Variants in ARHGEF16 observed in about 807,000 individuals in gnomAD.
ARHGEF16 encodes Rho guanine nucleotide exchange factor 16.
In ARHGEF16, 59 loss-of-function variants were observed where a neutral mutation model predicts 74.1. That is an observed-to-expected ratio of 0.80 (90% CI 0.65 to 0.99). The LOEUF (loss-of-function observed/expected upper bound fraction) is 0.99, where lower values mean the gene tolerates loss of function less well. Ranked by LOEUF, ARHGEF16 falls within the 50% of genes least tolerant of loss-of-function variation. The pLI is 0.00. For missense variants in ARHGEF16, 948 were observed against 986.6 expected (o/e 0.96, Z 0.52); for synonymous variants, 415 against 412.6 (o/e 1.01, Z -0.07).
intron 4 of ARHGEF16, 98 bp from the exon 5 acceptor site, chr1:3,468,782 A>C (rs567458301): frequency 7.1e-7 from 1 of 1,405,942 alleles, no homozygotes; most frequent in Non-Finnish European, 9.8e-7. Flanking sequence ...GTGGCTGTCC[A>C]TGTTGGCCCT....
At chr1:3,458,312 T>C (rs1639311227) in intron 1 of ARHGEF16, among the ~76,000 whole-genome samples, 1 of 152,214 alleles carries the variant, frequency 6.6e-6, no homozygotes, top group South Asian at 2.1e-4. Flanking sequence ...AGGGCTGCCT[T>C]TGCTGGGGAG....
rs1399935982 is a variant in ARHGEF16, at chr1:3,478,845, G to C, written c.1814+233G>C. On this transcript the variant is annotated intron_variant, in intron 12 of 14. Transcript: ENST00000378378. The stretch of plus-strand genomic sequence containing the variant: ...CCAACAGTTGGGCCACCAGGAGTGG[G>C]AACAAGGGAGGAAACGAGGTGGGGG... Among the ~76,000 whole-genome samples, 6 of 151,926 alleles carry C rather than the reference G, an allele frequency of 3.9e-5. No individual in the cohort carries two copies. In the South Asian group the frequency reaches 1.0e-3, roughly 26 times the overall value.
At chr1:3,466,633 G>A (rs76263003) in intron 3 of ARHGEF16, among the ~76,000 whole-genome samples, 6,594 of 152,298 alleles carry the variant, frequency 0.043, 199 homozygotes, top group Non-Finnish European at 0.066. Flanking sequence ...AGCCTGCTCG[G>A]GGGAGATGAG....
rs1258621947 is a variant in ARHGEF16, at chr1:3,463,171, G to A, written c.87G>A (p.Gly29=). 49 of 1,522,830 alleles carry A rather than the reference G, an allele frequency of 3.2e-5. No individual in the cohort carries two copies. The highest frequency in any genetic ancestry group is 4.1e-5 in the Non-Finnish European group (46 of 1,129,862). 94.3% of individuals were successfully genotyped at this position (1,522,830 alleles called of 1,614,324 possible). A position where few individuals can be genotyped will look rare whatever the true frequency, so the allele number is the denominator to read the frequency against. The part of the protein sequence containing the change: ...FHSELRLDAG[G]NPASGLPMVR... ...CGGAGCTCCGGCTCGATGCCGGGGG[G>A]AACCCAGCCTCCGGGCTCCCAATGG... Residue 29 remains glycine, a synonymous_variant, in exon 2 of 15, where the codon GGG becomes GGA. Coordinates refer to ENST00000378378, the MANE Select transcript of ARHGEF16 (RefSeq NM_014448.4).
At chr1:3,464,318 G>A (rs988982035) in intron 2 of ARHGEF16, among the ~76,000 whole-genome samples, 5 of 152,214 alleles carry the variant, frequency 3.3e-5, no homozygotes, top group African/African-American at 7.2e-5. Flanking sequence ...CCTCATCCTC[G>A]GAGTCACCAT....
chr1:3,463,451 A>G lies in ARHGEF16; in HGVS notation c.367A>G (p.Lys123Glu), dbSNP rs2100736901. Residue 123 changes from lysine to glutamate, a missense_variant, in exon 2 of 15, where the codon AAG (lysine) becomes GAG (glutamate). Lys to Glu is a moderately conservative substitution (Grantham distance 56, BLOSUM62 1). Coordinates refer to ENST00000378378, the MANE Select transcript of ARHGEF16 (RefSeq NM_014448.4). ...CAGGGAGGCCGCCCGGCGGGACCCTAAGCTCCTCCCAGCCCCCAGCTTCTC... is the reference window on the plus strand; with the variant it reads ...CAGGGAGGCCGCCCGGCGGGACCCTGAGCTCCTCCCAGCCCCCAGCTTCTC... The part of the protein sequence containing the change: ...LSREAARRDP[K>E]LLPAPSFSLD... The G allele has an allele frequency of 6.5e-7, 1 of 1,542,036 alleles. No individual in the cohort carries two copies.
rs897941300 is a variant in ARHGEF16 at position 3,479,654 on chromosome 1, G to A, written c.1888+64G>A. 51 of 1,584,822 alleles carry A rather than the reference G, an allele frequency of 3.2e-5. No homozygotes were observed. The Middle Eastern group carries it at 8.5e-4, about 26-fold the overall frequency. On this transcript the variant is annotated intron_variant, in intron 13 of 14. Coordinates refer to ENST00000378378, the MANE Select transcript of ARHGEF16 (RefSeq NM_014448.4). ...CGTGGCTGGCACTTTGGCCCCCACT[G>A]TAGCCCAAGTGAGCCTGGCACCTGG...
intron 2 of ARHGEF16, 144 bp downstream of exon 2, chr1:3,463,816 C>A: frequency 1.6e-6 from 1 of 632,168 alleles, no homozygotes. Context: ...CTGGTTTATT[C>A]CAGTTCAGCC....
chr1:3,473,569 C>T (rs1639798733), intron 8 of ARHGEF16, 47 bp downstream of exon 8: 2 of 1,599,816 alleles, frequency 1.3e-6, no homozygotes, highest in Non-Finnish European at 1.7e-6. Context: ...ATCCTGGGGT[C>T]CCACGGCCAG....
intron 4 of ARHGEF16, 105 bp from the exon 5 acceptor site, chr1:3,468,775 G>A (rs763034530): frequency 2.3e-6 from 3 of 1,324,880 alleles, no homozygotes; most frequent in Non-Finnish European, 3.2e-6. Context: ...CTGTGGGGTG[G>A]CTGTCCATGT....
chr1:3,472,440 G>GCC (rs35594591), intron 6 of ARHGEF16, among the ~76,000 whole-genome samples: 21 of 151,416 alleles, frequency 1.4e-4, no homozygotes, highest in Admixed American at 4.6e-4. Flanking sequence ...CCCACAGCTG[G>GCC]CCCCCCCCCG....
chr1:3,460,657 T>C (rs1309926627), intron 1 of ARHGEF16, among the ~76,000 whole-genome samples: 1 of 152,122 alleles, frequency 6.6e-6, no homozygotes, highest in Non-Finnish European at 1.5e-5. Context: ...CGGCCGGGCC[T>C]GGGTAAAACG....
In ARHGEF16 at chr1:3,478,211, G is replaced by A. The variant is rs1639948179; in HGVS notation, c.1625+185G>A. On this transcript the variant is annotated intron_variant, in intron 11 of 14. Coordinates refer to ENST00000378378, the MANE Select transcript of ARHGEF16 (RefSeq NM_014448.4). Reference sequence around the variant, plus strand: ...AGGTGGCGCTCGCTGTGCAGCCTCTGACCTCCTCTGCAGACCTGGGTCTGC... The same window carrying A: ...AGGTGGCGCTCGCTGTGCAGCCTCTAACCTCCTCTGCAGACCTGGGTCTGC... 2.3e-5 allele frequency: 22 copies of A among 948,438 alleles called. No individual in the cohort carries two copies. In the South Asian group the frequency reaches 3.6e-4, roughly 16 times the overall value. The allele number at this position is 948,438 out of a possible 1,614,324, so 58.8% of individuals were successfully genotyped here. A position where few individuals can be genotyped will look rare whatever the true frequency, so the allele number is the denominator to read the frequency against.
chr1:3,465,717 T>A lies in ARHGEF16; in HGVS notation c.589-431T>A, dbSNP rs549492849. Among the ~76,000 whole-genome samples the A allele has an allele frequency of 3.3e-4, 50 of 152,256 alleles. 1 individual carries two copies. The South Asian group carries it at 0.01, about 32-fold the overall frequency. On this transcript the variant is annotated intron_variant, in intron 2 of 14. Coordinates refer to ENST00000378378, the MANE Select transcript of ARHGEF16 (RefSeq NM_014448.4). Reference sequence around the variant, plus strand: ...CCCAGCCCTCCCGTCACTTCTGCCATCCCGGCCTCCTGCTGGGGCCCCCAG... The same window carrying A: ...CCCAGCCCTCCCGTCACTTCTGCCAACCCGGCCTCCTGCTGGGGCCCCCAG...
chr1:3,459,698 C>T lies in ARHGEF16; in HGVS notation c.-19-3368C>T, dbSNP rs1370922065. 3.3e-5 allele frequency among the ~76,000 whole-genome samples: 5 copies of T among 152,244 alleles called. No homozygotes were observed. In the East Asian group the frequency reaches 9.7e-4, roughly 29 times the overall value. On this transcript the variant is annotated intron_variant, in intron 1 of 14. Coordinates refer to ENST00000378378, the MANE Select transcript of ARHGEF16 (RefSeq NM_014448.4). Reference sequence around the variant, plus strand: ...TCTCAAGAAGCACATGGCAGAGACGCCAGAACACTCAGGGAAAAATTAACT... The same window carrying T: ...TCTCAAGAAGCACATGGCAGAGACGTCAGAACACTCAGGGAAAAATTAACT...
chr1:3,464,400 C>T (rs1157887377), intron 2 of ARHGEF16, among the ~76,000 whole-genome samples: 3 of 152,152 alleles, frequency 2.0e-5, no homozygotes, highest in East Asian at 1.9e-4. Context: ...GGGAGAGTTG[C>T]GTGGTACCTG....
chr1:3,477,762 A>T, intron 10 of ARHGEF16, 113 bp from the exon 11 acceptor site: 1 of 966,292 alleles, frequency 1.0e-6, no homozygotes, highest in Non-Finnish European at 1.6e-6. Context: ...CAGAGGCAGG[A>T]GTCAGTCCCA....
intron 1 of ARHGEF16, among the ~76,000 whole-genome samples, chr1:3,457,856 G>A (rs1639302212): frequency 6.6e-6 from 1 of 152,206 alleles, no homozygotes; most frequent in African/African-American, 2.4e-5. Context: ...TACCAGGTGG[G>A]GTATTTAGTG....
Position 3,480,481 on chromosome 1 carries a change from A to C in ARHGEF16, c.2024A>C (p.Glu675Ala). 2 of 1,612,576 alleles carry C rather than the reference A, an allele frequency of 1.2e-6. No homozygotes were observed. The highest frequency in any genetic ancestry group is 1.7e-6 in the Non-Finnish European group (2 of 1,179,954). The change falls in exon 15 of 15, where the codon GAG becomes GCG. Residue 675 changes from glutamate (E) to alanine (A), a missense_variant. Physicochemically the swap from Glu to Ala is moderately radical, Grantham distance 107. Transcript: ENST00000378378. Reference protein sequence around the residue: ...WLYGERLRDGETGWFPEDFAR... With the variant: ...WLYGERLRDGATGWFPEDFAR... ...TATGGCGAGAGGCTCCGGGACGGAG[A>C]GACGGGATGGTTCCCCGAGGACTTT...
Sources: gnomAD v4.1 joint callset for allele counts (sites outside exome capture counted in the v4.1 genomes callset) on GRCh38, gnomAD v4.1.1 for gene constraint, MANE v1.5 for transcripts, NCBI Gene and HGNC (gene_info 2026-07-23, HGNC 2026-07-21) for gene names.